SCARA3: variants seen among roughly 807,000 people sequenced by gnomAD.
SCARA3 encodes the protein cellular stress response gene protein.
A neutral mutation model predicts 47.0 loss-of-function variants in SCARA3; 39 were observed. The observed-to-expected ratio is 0.83, with a 90% confidence interval of 0.64 to 1.08. The LOEUF (loss-of-function observed/expected upper bound fraction) is 1.08. SCARA3 is among the 50% of genes least tolerant of loss of function. The pLI is 0.00. For missense variants in SCARA3, 724 were observed against 792.3 expected, an observed-to-expected ratio of 0.91 and a Z score of 1.04; for synonymous variants, 356 against 334.1, an observed-to-expected ratio of 1.07 and a Z score of -0.71.
chr8:27,671,687 C>T lies in SCARA3; in HGVS notation c.*336C>T. ...ACACACATGCACACATACACGTGCA[C>T]ACATACACAGGCACACATGCATGCA... On this transcript the variant is annotated 3_prime_UTR_variant, in exon 6 of 6. Coordinates refer to ENST00000301904, the MANE Select transcript of SCARA3 (RefSeq NM_016240.3). 9.2e-7 allele frequency: 1 copy of T among 1,082,566 alleles called. No homozygotes were observed. Among genetic ancestry groups the T allele is most frequent in the Non-Finnish European group, 1.1e-6 (1 of 886,406 alleles). The allele number at this position is 1,082,566 out of a possible 1,614,324, so 67.1% of individuals were successfully genotyped here.
chr8:27,698,765 A>G, the SCARA3 span, among the ~76,000 whole-genome samples: 5 of 152,186 alleles, frequency 3.3e-5, no homozygotes, highest in African/African-American at 1.2e-4. Context: ...GCAACAGCAT[A>G]AAAATATAAA....
chr8:27,707,822 A>AAC, the SCARA3 span, among the ~76,000 whole-genome samples: 10 of 3,028 alleles, frequency 3.3e-3, no homozygotes, highest in Non-Finnish European at 0.41. Context: ...AAAAACTTCC[A>AAC]AAAAAAAAAA....
At chr8:27,689,847 G>A in the SCARA3 span, among the ~76,000 whole-genome samples, 1 of 152,272 alleles carries the variant, frequency 6.6e-6, no homozygotes, top group South Asian at 2.1e-4. Flanking sequence ...TTCTAGGCTG[G>A]GCACGGTGGC....
At chr8:27,719,843 C>T in the SCARA3 span, among the ~76,000 whole-genome samples, 353 of 152,256 alleles carry the variant, frequency 2.3e-3, 2 homozygotes, top group African/African-American at 8.2e-3. Context: ...ACCTCTGTCA[C>T]CAAAATGTCT....
the SCARA3 span, among the ~76,000 whole-genome samples, chr8:27,695,528 G>A: frequency 2.0e-5 from 3 of 152,118 alleles, no homozygotes; most frequent in African/African-American, 4.8e-5. Context: ...CCAGAAAAAT[G>A]TGACCCATTG....
At chr8:27,702,111 C>G in the SCARA3 span, 1 of 152,182 alleles carries the variant, frequency 6.6e-6, no homozygotes, top group Non-Finnish European at 1.5e-5. Context: ...GAAAGCCAAG[C>G]GTAGTGGCAG....
chr8:27,706,899 G>A, the SCARA3 span, among the ~76,000 whole-genome samples: 2 of 152,082 alleles, frequency 1.3e-5, no homozygotes, highest in Non-Finnish European at 2.9e-5. Context: ...ACCAGGTAGG[G>A]AGGAGGGCAA....
chr8:27,673,911 T>G (rs894972785), downstream of SCARA3, among the ~76,000 whole-genome samples: 22 of 152,148 alleles, frequency 1.4e-4, no homozygotes, highest in Non-Finnish European at 3.2e-4. Context: ...CTCAAGTCTC[T>G]TACTTCTCAT....
the SCARA3 span, among the ~76,000 whole-genome samples, chr8:27,715,849 G>GATAGATAC: frequency 1.5e-5 from 2 of 131,208 alleles, no homozygotes; most frequent in Non-Finnish European, 3.2e-5. This position sits in a 1 kb window ranked among gnomAD's most constrained non-coding sequence, Gnocchi z 4.2. Flanking sequence ...TAGATAGATA[G>GATAGATAC]ATAGATAGAT....
the SCARA3 span, among the ~76,000 whole-genome samples, chr8:27,722,554 C>T: frequency 6.6e-6 from 1 of 152,228 alleles, no homozygotes; most frequent in South Asian, 2.1e-4. Context: ...AAAAGCCACC[C>T]ACAGTTCTCT....
intron 1 of SCARA3, among the ~76,000 whole-genome samples, chr8:27,644,446 G>A (rs35345248): frequency 3.3e-5 from 5 of 152,290 alleles, no homozygotes; most frequent in African/African-American, 9.6e-5. Context: ...TGGAGTCTTA[G>A]ATGTTCGTTC....
At chr8:27,648,580 G>A (rs1031805841) in intron 1 of SCARA3, among the ~76,000 whole-genome samples, 10 of 152,024 alleles carry the variant, frequency 6.6e-5, no homozygotes. Flanking sequence ...ATCCAGCCTG[G>A]GCGACACAGT....
At chr8:27,712,354 G>A in the SCARA3 span, among the ~76,000 whole-genome samples, 1 of 151,862 alleles carries the variant, frequency 6.6e-6, no homozygotes, top group Non-Finnish European at 1.5e-5. Context: ...ACGAGGTCAG[G>A]AGATCGAGAC....
chr8:27,685,850 C>T, the SCARA3 span, among the ~76,000 whole-genome samples: 17 of 150,968 alleles, frequency 1.1e-4, no homozygotes, highest in African/African-American at 4.1e-4. Context: ...TAAACAACAC[C>T]ATTTTTATGA....
At chr8:27,687,085 T>G in the SCARA3 span, among the ~76,000 whole-genome samples, 1 of 152,146 alleles carries the variant, frequency 6.6e-6, no homozygotes, top group South Asian at 2.1e-4. Flanking sequence ...GTGACTCAGG[T>G]CTGTCCAATG....
At chr8:27,696,746 C>T in the SCARA3 span, among the ~76,000 whole-genome samples, 190 of 151,436 alleles carry the variant, frequency 1.3e-3, no homozygotes, top group Non-Finnish European at 2.2e-3. Context: ...ATTATAGGCC[C>T]TTTTAGATTA....
rs368918172 is a variant in SCARA3 at position 27,670,949 on chromosome 8, G to C, written c.1419G>C (p.Val473=). 1 of 1,590,680 alleles carries C rather than the reference G, an allele frequency of 6.3e-7. No homozygotes were observed. Among genetic ancestry groups the C allele is most frequent in the Non-Finnish European group, 8.5e-7 (1 of 1,172,856 alleles). Residue 473 remains valine (V), a synonymous_variant, in exon 6 of 6, where the codon GTG becomes GTC. Transcript: ENST00000301904. ...GAGGATTCAAAGGAGATATGGGCGT[G>C]AAAGGGCCTGTTGGCGGCAGAGGCC... is the stretch of plus-strand genomic sequence containing the variant. ...GPRGFKGDMG[V]KGPVGGRGPK... is the part of the protein sequence containing the mutation.
intron 1 of SCARA3, among the ~76,000 whole-genome samples, chr8:27,644,498 G>T (rs1400794473): frequency 6.6e-6 from 1 of 152,130 alleles, no homozygotes; most frequent in East Asian, 1.9e-4. Context: ...TCCCAGAGAG[G>T]AGTTTTCCCA....
At chr8:27,677,486 C>G (rs909892426), downstream of SCARA3, among the ~76,000 whole-genome samples, 4 of 152,208 alleles carry the variant, frequency 2.6e-5, no homozygotes, top group African/African-American at 9.6e-5. Context: ...TTTTGGAGGT[C>G]TGACCAGCCT....
Sources: gnomAD v4.1 joint callset for allele counts (sites outside exome capture counted in the v4.1 genomes callset) on GRCh38, gnomAD v4.1.1 for gene constraint, Gnocchi (gnomAD v3.1) non-coding constraint, MANE v1.5 for transcripts, NCBI Gene and HGNC (gene_info 2026-07-23, HGNC 2026-07-21) for gene names.